EML3: variants seen among roughly 807,000 people sequenced by gnomAD.
EML3 encodes EMAP like 3.
In EML3, 53 loss-of-function variants were observed where a neutral mutation model predicts 106.7. The ratio of observed to expected loss-of-function variants is 0.50; its 90% CI spans 0.40 to 0.62. The LOEUF (loss-of-function observed/expected upper bound fraction) is 0.62. EML3 is among the 20% of genes least tolerant of loss of function. The probability of loss-of-function intolerance (pLI) is 0.00; values close to 1 mark genes in which losing one functional copy is unlikely to be tolerated. For missense variants in EML3, 994 were observed against 1,209.1 expected (o/e 0.82, Z 2.64); for synonymous variants, 499 against 489.6 (o/e 1.02, Z -0.25).
chr11:62,608,729 G>T lies in EML3; in HGVS notation c.999+7C>A, dbSNP rs2134386778. On this transcript the variant is annotated splice_region_variant and intron_variant, in intron 8 of 21. Transcript: ENST00000394773. ...CATGTCTGCCTGCTCCCTGACTTTG[G>T]CCTTACCTTTCCATCCTTATCCACT... is the stretch of plus-strand genomic sequence containing the variant. 1.9e-6 allele frequency: 3 copies of T among 1,611,804 alleles called. No individual in the cohort carries two copies. Among genetic ancestry groups the T allele is most frequent in the Non-Finnish European group, 2.5e-6 (3 of 1,178,642 alleles).
intron 19 of EML3, 47 bp from the exon 20 acceptor site, chr11:62,603,294 T>C: frequency 6.4e-7 from 1 of 1,554,814 alleles, no homozygotes; most frequent in Non-Finnish European, 8.8e-7. Flanking sequence ...CTGCCCTCAG[T>C]AGGGAAGATG....
At position 62,612,532 on chromosome 11, in the gene EML3, G is replaced by A. The variant is rs1268280601; in HGVS notation, c.-75C>T. The A allele has an allele frequency of 3.8e-6, 5 of 1,311,146 alleles. No individual in the cohort carries two copies. Among genetic ancestry groups the A allele is most frequent in the Non-Finnish European group, 4.9e-6 (5 of 1,029,254 alleles). 81.2% of individuals were successfully genotyped at this position (1,311,146 alleles called of 1,614,324 possible). A position where few individuals can be genotyped will look rare whatever the true frequency, so the allele number is the denominator to read the frequency against. On this transcript the variant is annotated 5_prime_UTR_variant, in exon 1 of 22. Transcript: ENST00000394773. Reference sequence around the variant, plus strand: ...CGCGGGGGCCACGGCCGGGGAGAGGGGAAGGGGAAGCACCCCGGGGCGCGC... The same window carrying A: ...CGCGGGGGCCACGGCCGGGGAGAGGAGAAGGGGAAGCACCCCGGGGCGCGC...
chr11:62,604,774 G>T (rs964456336), intron 16 of EML3: 1 of 212,410 alleles, frequency 4.7e-6, no homozygotes, highest in African/African-American at 2.3e-5. Context: ...TGAAACTACA[G>T]ACCAGGGGCC....
chr11:62,602,938 C>G, intron 20 of EML3, 49 bp from the exon 21 acceptor site: 1 of 1,485,030 alleles, frequency 6.7e-7, no homozygotes, highest in Non-Finnish European at 8.9e-7. Context: ...CCGCCACCCA[C>G]GGCCCAGAGC....
In EML3 at chr11:62,612,701, G is replaced by A. The variant is rs1942897883; in HGVS notation, c.-244C>T. 2.7e-6 allele frequency: 1 copy of A among 372,658 alleles called. No homozygotes were observed. The highest frequency in any genetic ancestry group is 1.2e-4 in the South Asian group (1 of 8,306). The allele number at this position is 372,658 out of a possible 1,614,324, so 23.1% of individuals were successfully genotyped here. ...CCCGGGGCCGCTCTCGGCTCCCGGG[G>A]GTGGGGTGGCAGGGCCGTCCGGTGC... On this transcript the variant is annotated 5_prime_UTR_variant, in exon 1 of 22. Coordinates refer to ENST00000394773, the MANE Select transcript of EML3 (RefSeq NM_153265.3).
At chr11:62,606,929 C>T (rs1294079322) in intron 12 of EML3, 29 bp downstream of exon 12, 1 of 1,601,180 alleles carries the variant, frequency 6.2e-7, no homozygotes, top group Non-Finnish European at 8.5e-7. Context: ...GAGTACTACA[C>T]TTCCCAGATG....
Position 62,602,401 on chromosome 11 carries a change from G to T in EML3, c.*74C>A, listed in dbSNP as rs1211521045. ...CAGGAAAGAGTCGGCCCCTAGTCGT[G>T]GGGGATTGGGCCAGGGAAGGGCAGG... On this transcript the variant is annotated 3_prime_UTR_variant, in exon 22 of 22. Transcript: ENST00000394773. 7.7e-6 allele frequency: 12 copies of T among 1,549,088 alleles called. No individual in the cohort carries two copies. Among genetic ancestry groups the T allele is most frequent in the Non-Finnish European group, 1.0e-5 (12 of 1,145,082 alleles).
In EML3 at chr11:62,602,590, C is replaced by T. The variant is rs918492132; in HGVS notation, c.2576G>A (p.Gly859Asp). The part of the protein sequence containing the change: ...HDDSHLVSLG[G>D]KDASIFQWRV... ...CCACTGGAAGATGCTGGCGTCCTTGCCGCCCAGCGAGACGAGGTGCGAGTC... is the reference window on the plus strand; with the variant it reads ...CCACTGGAAGATGCTGGCGTCCTTGTCGCCCAGCGAGACGAGGTGCGAGTC... Residue 859 changes from glycine to aspartate, a missense_variant, in exon 22 of 22, where the codon GGC becomes GAC. Around this residue, in one of 3 missense-constraint regions of EML3, gnomAD observed 713 missense variants for 920.5 expected, o/e 0.77. Transcript: ENST00000394773. 2.6e-6 allele frequency: 4 copies of T among 1,546,454 alleles called. No individual in the cohort carries two copies. The highest frequency in any genetic ancestry group is 3.5e-6 in the Non-Finnish European group (4 of 1,147,920).
chr11:62,603,736 A>G lies in EML3; in HGVS notation c.2250T>C (p.Ile750=), dbSNP rs750707129. The part of the protein sequence containing the change: ...FIMSNSGDYE[I]LYWDVAGGCK... ...TGCTCCACTGCCACTCACAGTAAAG[A>G]ATCTCATAGTCCCCAGAATTGGACA... Residue 750 remains isoleucine (I), a synonymous_variant, in exon 19 of 22, where the codon ATT becomes ATC. Transcript: ENST00000394773. 3 of 1,614,054 alleles carry G rather than the reference A, an allele frequency of 1.9e-6. No homozygotes were observed. The South Asian group carries it at 3.3e-5, about 18-fold the overall frequency.
At chr11:62,611,738 G>T in intron 1 of EML3, 142 bp from the exon 2 acceptor site, 1 of 947,432 alleles carries the variant, frequency 1.1e-6, no homozygotes. Context: ...TCGTCCAGAG[G>T]GGAGGAGACG....
In EML3 at chr11:62,607,075, G is replaced by A. The variant is rs1388671114; in HGVS notation, c.1387C>T (p.Pro463Ser). 4 of 1,613,920 alleles carry A rather than the reference G, an allele frequency of 2.5e-6. No individual in the cohort carries two copies. The highest frequency in any genetic ancestry group is 3.4e-6 in the Non-Finnish European group (4 of 1,179,976). Residue 463 changes from proline to serine, a missense_variant, in exon 12 of 22, where the codon CCT (proline) becomes TCT (serine). Physicochemically the swap from Pro to Ser is moderately conservative, Grantham distance 74. Coordinates refer to ENST00000394773, the MANE Select transcript of EML3 (RefSeq NM_153265.3). ...CCATCCGGAAGGAACACAAAGCAAG[G>A]GATAAACTTGGGTTTCTTGTATTTC... ...FGKYKKPKFI[P>S]CFVFLPDGDI... is the part of the protein sequence containing the mutation.
intron 16 of EML3, 114 bp from the exon 17 acceptor site, chr11:62,604,315 G>C: frequency 1.3e-6 from 1 of 758,474 alleles, no homozygotes; most frequent in Non-Finnish European, 2.3e-6. Context: ...GAAGCTCAGA[G>C]ACACACACAG....
At position 62,607,743 on chromosome 11, in the gene EML3, C is replaced by T. The variant is rs559133378; in HGVS notation, c.1285G>A (p.Val429Ile). Residue 429 changes from valine (V) to isoleucine (I), a missense_variant, in exon 11 of 22, where the codon GTC becomes ATC. Transcript: ENST00000394773. ...SCIVTSGKSH[V>I]HFWNWSGGVG... ...CCACCACTCCAATTCCAGAAGTGGA[C>T]GTGAGATTTCCCACTGGTGACGATG... 7.4e-6 allele frequency: 12 copies of T among 1,613,958 alleles called. No individual in the cohort carries two copies. The highest frequency in any genetic ancestry group is 3.3e-5 in the Admixed American group (2 of 60,004).
Position 62,608,747 on chromosome 11 carries a change from T to C in EML3, c.988A>G (p.Lys330Glu), listed in dbSNP as rs369803444. The C allele has an allele frequency of 6.2e-7, 1 of 1,606,172 alleles. No individual in the cohort carries two copies. Among genetic ancestry groups the C allele is most frequent in the African/African-American group, 1.3e-5 (1 of 74,806 alleles). ...VASGQTAGVDKDGKPLQPVVH... is the reference protein window; with the variant it reads ...VASGQTAGVDEDGKPLQPVVH... Reference sequence around the variant, plus strand: ...GACTTTGGCCTTACCTTTCCATCCTTATCCACTCCAGCTGTCTGTCCCGAG... The same window carrying C: ...GACTTTGGCCTTACCTTTCCATCCTCATCCACTCCAGCTGTCTGTCCCGAG... The change falls in exon 8 of 22, where the codon AAG becomes GAG. Residue 330 changes from lysine to glutamate, a missense_variant. Coordinates refer to ENST00000394773, the MANE Select transcript of EML3 (RefSeq NM_153265.3).
intron 4 of EML3, 152 bp downstream of exon 4, chr11:62,610,727 C>A: frequency 1.5e-6 from 1 of 655,498 alleles, no homozygotes. Context: ...GCACAGTGCC[C>A]GGTACACAGC....
chr11:62,611,978 G>A, intron 1 of EML3: 1 of 364,942 alleles, frequency 2.7e-6, no homozygotes, highest in South Asian at 3.8e-5. Flanking sequence ...GGTCTCCAGC[G>A]AAAGCTGAGT....
chr11:62,611,422 T>A lies in EML3; in HGVS notation c.194+3A>T. 6.2e-7 allele frequency: 1 copy of A among 1,613,728 alleles called. No individual in the cohort carries two copies. The highest frequency in any genetic ancestry group is 8.5e-7 in the Non-Finnish European group (1 of 1,179,834). On this transcript the variant is annotated splice_donor_region_variant and intron_variant, in intron 2 of 21. Transcript: ENST00000394773. ...GAAAAATGGGGTGTGATGACATGCA[T>A]ACCTGTCCCCCGGAGGAGCTGGTGT...
chr11:62,602,307 C>CA lies in EML3; in HGVS notation c.*167dup. ...GCCCGGCTCAGCCAGCGGGTCTAAA[C>CA]AGTGTGTGCAGGGGCGCCGTTCGCG... On this transcript the variant is annotated 3_prime_UTR_variant, in exon 22 of 22. Coordinates refer to ENST00000394773, the MANE Select transcript of EML3 (RefSeq NM_153265.3). 6.4e-7 allele frequency: 1 copy of CA among 1,550,922 alleles called. No homozygotes were observed. The highest frequency in any genetic ancestry group is 1.2e-5 in the South Asian group (1 of 84,070).
chr11:62,606,833 G>A (rs1350073901), intron 12 of EML3, 125 bp downstream of exon 12: 1 of 1,125,170 alleles, frequency 8.9e-7, no homozygotes, highest in African/African-American at 1.6e-5. Context: ...ATCCAGCCTG[G>A]GCAACAGAGT....
Sources: allele counts gnomAD v4.1 joint callset, GRCh38; gene constraint gnomAD v4.1.1; regional missense constraint gnomAD v4.1.1; transcripts MANE v1.5; gene names NCBI Gene and HGNC (gene_info 2026-07-23, HGNC 2026-07-21).